RARB: variants seen among roughly 807,000 people sequenced by gnomAD.
RARB encodes retinoic acid receptor beta.
RARB carries 17 observed loss-of-function variants against 51.9 expected under a neutral mutation model. That is an observed-to-expected ratio of 0.33 (90% confidence interval 0.22 to 0.49). RARB has a LOEUF of 0.49. Ranked by LOEUF, RARB falls within the 20% of genes least tolerant of loss-of-function variation. RARB has a pLI of 0.99. For missense variants in RARB, 369 were observed against 550.8 expected, an observed-to-expected ratio of 0.67 and a Z score of 3.30; for synonymous variants, 215 against 195.4, an observed-to-expected ratio of 1.10 and a Z score of -0.84.
intron 2 of RARB, among the ~76,000 whole-genome samples, chr3:25,483,204 G>C (rs76594842): frequency 1.3e-5 from 2 of 152,134 alleles, no homozygotes; most frequent in African/African-American, 2.4e-5. Context: ...AGAAAGCATC[G>C]GGACACAATT....
intron 1 of RARB, among the ~76,000 whole-genome samples, chr3:25,438,739 G>T (rs1051052091): frequency 3.9e-5 from 6 of 152,148 alleles, no homozygotes; most frequent in African/African-American, 1.4e-4. Context: ...GCTGAGTGAA[G>T]AATTCCTGAA....
chr3:24,943,481 G>C (rs1695712735), intron 2 of RARB, among the ~76,000 whole-genome samples: 1 of 152,176 alleles, frequency 6.6e-6, no homozygotes, highest in African/African-American at 2.4e-5. Context: ...CCATATGTTA[G>C]CACTAATTAT....
chr3:25,520,045 T>G (rs528452275), intron 3 of RARB, among the ~76,000 whole-genome samples: 110 of 152,322 alleles, frequency 7.2e-4, no homozygotes, highest in Non-Finnish European at 1.2e-3. Context: ...CAATAAAATT[T>G]TACTGGAACA....
At chr3:25,494,253 G>GCACGCACACACA in intron 2 of RARB, among the ~76,000 whole-genome samples, 1 of 131,968 alleles carries the variant, frequency 7.6e-6, no homozygotes, top group East Asian at 2.0e-4. Context: ...TGTATCTTAC[G>GCACGCACACACA]CACACACACA....
chr3:25,279,533 A>T (rs939953370), intron 5 of RARB, among the ~76,000 whole-genome samples: 1 of 152,148 alleles, frequency 6.6e-6, no homozygotes, highest in Non-Finnish European at 1.5e-5. Flanking sequence ...GTACAAAAAT[A>T]GATTCCAAAG....
chr3:24,910,914 C>T (rs1694977003), intron 2 of RARB, among the ~76,000 whole-genome samples: 1 of 152,212 alleles, frequency 6.6e-6, no homozygotes, highest in African/African-American at 2.4e-5. Flanking sequence ...GGAAAAGGAA[C>T]TAGATTTTAT....
intron 2 of RARB, among the ~76,000 whole-genome samples, chr3:24,927,743 G>T (rs549275899): frequency 6.6e-6 from 1 of 152,134 alleles, no homozygotes; most frequent in East Asian, 1.9e-4. Context: ...TACTAACCTT[G>T]TTAAAGCGTA....
chr3:25,084,500 T>C (rs1016760187), intron 3 of RARB, among the ~76,000 whole-genome samples: 2 of 151,520 alleles, frequency 1.3e-5, no homozygotes, highest in African/African-American at 2.4e-5. Context: ...ACTGGAAATA[T>C]GTTGATATCA....
intron 5 of RARB, among the ~76,000 whole-genome samples, chr3:25,201,444 C>G (rs539089782): frequency 7.4e-4 from 113 of 152,270 alleles, no homozygotes; most frequent in African/African-American, 2.5e-3. Flanking sequence ...CCTGATTGCC[C>G]TGGCCAGAAC....
chr3:25,042,809 T>C (rs976561740), intron 2 of RARB, among the ~76,000 whole-genome samples: 53 of 152,264 alleles, frequency 3.5e-4, no homozygotes, highest in African/African-American at 1.2e-3. Context: ...GTTGAACTTA[T>C]CCTTCATAAC....
chr3:24,943,135 T>C (rs569011832), intron 2 of RARB, among the ~76,000 whole-genome samples: 5 of 152,192 alleles, frequency 3.3e-5, no homozygotes, highest in Non-Finnish European at 7.3e-5. Flanking sequence ...AATCAGACTA[T>C]GTAAGGGATA....
intron 5 of RARB, among the ~76,000 whole-genome samples, chr3:25,212,755 CT>C (rs57185029): frequency 0.65 from 98,734 of 151,992 alleles, 32,534 homozygotes; most frequent in East Asian, 0.76. Flanking sequence ...TTATTTTCCA[CT>C]TTTTTTGTGA....
chr3:25,168,213 T>G (rs1315067297), intron 4 of RARB, among the ~76,000 whole-genome samples: 1 of 152,156 alleles, frequency 6.6e-6, no homozygotes, highest in Non-Finnish European at 1.5e-5. Flanking sequence ...ATTTCTCTTT[T>G]TTTTGTCTTT....
intron 2 of RARB, among the ~76,000 whole-genome samples, chr3:24,982,389 G>A (rs1696696960): frequency 6.6e-6 from 1 of 152,172 alleles, no homozygotes; most frequent in African/African-American, 2.4e-5. Context: ...TTCCAAACCA[G>A]AGTGGAACCA....
At chr3:25,562,384 TAAAAG>T (rs1700308881) in intron 3 of RARB, among the ~76,000 whole-genome samples, 1 of 152,196 alleles carries the variant, frequency 6.6e-6, no homozygotes. Flanking sequence ...ATGCCATAAA[TAAAAG>T]GCTTCATCTC....
chr3:25,335,139 G>A (rs1403088301), intron 5 of RARB, among the ~76,000 whole-genome samples: 1 of 152,142 alleles, frequency 6.6e-6, no homozygotes. Flanking sequence ...TATGGGGATG[G>A]TAATAGCACA....
At chr3:25,389,603 A>C (rs1575364433) in intron 5 of RARB, among the ~76,000 whole-genome samples, 1 of 152,210 alleles carries the variant, frequency 6.6e-6, no homozygotes, top group Non-Finnish European at 1.5e-5. Flanking sequence ...GCCAGCGCAG[A>C]GAACTGGGTG....
chr3:25,057,181 T>A (rs950506857), intron 2 of RARB, among the ~76,000 whole-genome samples: 2 of 152,080 alleles, frequency 1.3e-5, no homozygotes, highest in African/African-American at 4.8e-5. Flanking sequence ...GAATCTTCCA[T>A]GCTTATTGCA....
chr3:25,059,450 T>A (rs1001489041), intron 2 of RARB, among the ~76,000 whole-genome samples: 1 of 151,806 alleles, frequency 6.6e-6, no homozygotes, highest in Non-Finnish European at 1.5e-5. Context: ...ACCTCACTTT[T>A]ACTTGGTACT....
Sources: allele counts gnomAD v4.1 joint callset (sites outside exome capture counted in the v4.1 genomes callset), GRCh38; gene constraint gnomAD v4.1.1; transcripts MANE v1.5; gene names NCBI Gene and HGNC (gene_info 2026-07-23, HGNC 2026-07-21).